The following CAMTA1 variants were observed in gnomAD, a reference collection of about 807,000 sequenced individuals.
CAMTA1 encodes the protein calmodulin-binding transcription activator 1.
A neutral mutation model predicts 170.9 loss-of-function variants in CAMTA1; 27 were observed. That is an observed-to-expected ratio of 0.16 (90% confidence interval 0.12 to 0.22). The LOEUF (loss-of-function observed/expected upper bound fraction) is 0.22, where lower values mean the gene tolerates loss of function less well. Ranked by LOEUF, CAMTA1 falls within the 10% of genes least tolerant of loss-of-function variation. CAMTA1 has a pLI of 1.00. For synonymous variants in CAMTA1, 833 were observed against 891.5 expected, an observed-to-expected ratio of 0.93 and a Z score of 1.17; for missense variants, 1,619 against 2,217.2, an observed-to-expected ratio of 0.73 and a Z score of 5.42.
intron 3 of CAMTA1, among the ~76,000 whole-genome samples, chr1:6,839,457 A>G (rs1444252965): frequency 2.6e-5 from 4 of 152,190 alleles, no homozygotes; most frequent in Admixed American, 6.5e-5. Flanking sequence ...GCATTCAGCA[A>G]TATTTTTGAG....
intron 3 of CAMTA1, among the ~76,000 whole-genome samples, chr1:6,903,527 A>G (rs1469195680): frequency 1.3e-5 from 2 of 152,180 alleles, no homozygotes; most frequent in Non-Finnish European, 1.5e-5. Context: ...TATGTGGTGC[A>G]TCTTGTTGGC....
intron 3 of CAMTA1, among the ~76,000 whole-genome samples, chr1:6,944,657 G>A (rs989171320): frequency 3.3e-5 from 5 of 152,036 alleles, no homozygotes; most frequent in Admixed American, 1.3e-4. Context: ...GTCACATTGC[G>A]TCATAACCCT....
intron 3 of CAMTA1, among the ~76,000 whole-genome samples, chr1:7,011,445 T>C (rs1301007875): frequency 6.6e-6 from 1 of 152,136 alleles, no homozygotes; most frequent in Non-Finnish European, 1.5e-5. Context: ...TTCCCATCTT[T>C]CTAGCGCCCT....
At chr1:7,497,707 C>G (rs1323330474) in intron 6 of CAMTA1, among the ~76,000 whole-genome samples, 1 of 152,240 alleles carries the variant, frequency 6.6e-6, no homozygotes, top group Non-Finnish European at 1.5e-5. Flanking sequence ...GACAGCCACA[C>G]AAACTCAGGG....
At position 7,766,728 on chromosome 1, in the gene CAMTA1, A is replaced by G; in HGVS notation, c.*237A>G. On this transcript the variant is annotated 3_prime_UTR_variant, in exon 23 of 23. Transcript: ENST00000303635. Reference sequence around the variant, plus strand: ...CAACTTTTAATTTGATCAGCAAGACATCTTGGAACTCAATCTTCTGTTGGA... The same window carrying G: ...CAACTTTTAATTTGATCAGCAAGACGTCTTGGAACTCAATCTTCTGTTGGA... 1.9e-6 allele frequency: 1 copy of G among 514,536 alleles called. No individual in the cohort carries two copies. Among genetic ancestry groups the G allele is most frequent in the Non-Finnish European group, 3.5e-6 (1 of 287,074 alleles). The allele number at this position is 514,536 out of a possible 1,614,324, so 31.9% of individuals were successfully genotyped here.
intron 4 of CAMTA1, among the ~76,000 whole-genome samples, chr1:7,100,968 C>G (rs991372353): frequency 3.9e-5 from 6 of 152,202 alleles, no homozygotes; most frequent in African/African-American, 1.2e-4. Context: ...TGCTCTGACA[C>G]CCCAACAGGA....
At chr1:7,411,395 C>T (rs567011949) in intron 5 of CAMTA1, among the ~76,000 whole-genome samples, 7 of 152,194 alleles carry the variant, frequency 4.6e-5, no homozygotes, top group African/African-American at 7.2e-5. Flanking sequence ...AAAGATTAGC[C>T]GGGCGTGGTG....
chr1:7,522,948 C>A (rs1423628010), intron 6 of CAMTA1, among the ~76,000 whole-genome samples: 1 of 152,230 alleles, frequency 6.6e-6, no homozygotes, highest in Admixed American at 6.5e-5. Context: ...CTCACTGCAA[C>A]CTCTGCGTCC....
rs1691440590 is a variant in CAMTA1 at position 6,965,901 on chromosome 1, C to T, written c.235-125403C>T. On this transcript the variant is annotated intron_variant, in intron 3 of 22. Transcript: ENST00000303635. This position sits in a 1 kb window ranked among gnomAD's most constrained non-coding sequence, Gnocchi z 4.1. ...GCCGCACGTCTGGCATTAGTTACTG[C>T]TTGTTGTGTCCTGTGGAAACTAGAT... is the stretch of plus-strand genomic sequence containing the variant. Among the ~76,000 whole-genome samples the T allele has an allele frequency of 6.6e-6, 1 of 152,126 alleles. No individual in the cohort carries two copies. The highest frequency in any genetic ancestry group is 6.5e-5 in the Admixed American group (1 of 15,268).
At chr1:7,035,377 G>A (rs1703434989) in intron 3 of CAMTA1, among the ~76,000 whole-genome samples, 1 of 151,126 alleles carries the variant, frequency 6.6e-6, no homozygotes, top group Admixed American at 6.6e-5. Flanking sequence ...TCCAGCCTGG[G>A]CAACAAGAGC....
intron 3 of CAMTA1, among the ~76,000 whole-genome samples, chr1:6,955,665 G>A (rs560345300): frequency 1.3e-5 from 2 of 152,314 alleles, no homozygotes; most frequent in Admixed American, 6.5e-5. Flanking sequence ...GAGTGATGTT[G>A]CTGTGCCCGG....
At chr1:6,904,824 C>T (rs561544434) in intron 3 of CAMTA1, among the ~76,000 whole-genome samples, 17 of 143,956 alleles carry the variant, frequency 1.2e-4, no homozygotes, top group Non-Finnish European at 2.1e-4. Context: ...AACTCCTGAG[C>T]TCAAGTGATC....
At chr1:7,412,093 A>T (rs1192661473) in intron 5 of CAMTA1, among the ~76,000 whole-genome samples, 1 of 152,028 alleles carries the variant, frequency 6.6e-6, no homozygotes, top group African/African-American at 2.4e-5. Flanking sequence ...TGAACTCATC[A>T]TTTTTTATGG....
chr1:7,465,260 G>A (rs1170767992), intron 5 of CAMTA1, among the ~76,000 whole-genome samples: 2 of 152,154 alleles, frequency 1.3e-5, no homozygotes, highest in African/African-American at 4.8e-5. Flanking sequence ...GAAGGCAGAT[G>A]GGTAAATTAA....
chr1:7,556,466 T>C (rs185153434), intron 6 of CAMTA1, among the ~76,000 whole-genome samples: 1 of 152,340 alleles, frequency 6.6e-6, no homozygotes, highest in African/African-American at 2.4e-5. Context: ...TTTCTGAGCA[T>C]GCTCTCACCC....
intron 6 of CAMTA1, among the ~76,000 whole-genome samples, chr1:7,596,867 A>G (rs767304717): frequency 4.9e-5 from 6 of 123,374 alleles, no homozygotes; most frequent in Non-Finnish European, 9.3e-5. Flanking sequence ...CCATGTCTCT[A>G]TCTGCAGGAG....
intron 3 of CAMTA1, among the ~76,000 whole-genome samples, chr1:7,077,102 CTTGT>C (rs772313084): frequency 2.6e-5 from 4 of 152,140 alleles, no homozygotes; most frequent in Non-Finnish European, 4.4e-5. Flanking sequence ...ACACAATTAC[CTTGT>C]TTGTTTGAAG....
intron 11 of CAMTA1, among the ~76,000 whole-genome samples, chr1:7,684,429 C>T (rs746457611): frequency 1.3e-4 from 20 of 152,212 alleles, no homozygotes; most frequent in South Asian, 1.2e-3. Context: ...TGTGCTCTCA[C>T]GGCTGTGGAG....
At chr1:7,689,923 C>T (rs1404903265) in intron 11 of CAMTA1, among the ~76,000 whole-genome samples, 4 of 152,118 alleles carry the variant, frequency 2.6e-5, no homozygotes, top group Admixed American at 6.5e-5. Context: ...TTTGGGAGGC[C>T]GAGTTGGGCG....
Sources: allele counts gnomAD v4.1 joint callset (sites outside exome capture counted in the v4.1 genomes callset), GRCh38; gene constraint gnomAD v4.1.1; non-coding constraint Gnocchi (gnomAD v3.1); transcripts MANE v1.5; gene names NCBI Gene and HGNC (gene_info 2026-07-23, HGNC 2026-07-21).